The following TMEM135 variants were observed in gnomAD, a reference collection of about 807,000 sequenced individuals.
TMEM135 encodes the protein transmembrane protein 135.
A neutral mutation model predicts 60.3 loss-of-function variants in TMEM135; 30 were observed. That is an observed-to-expected ratio of 0.50 (90% CI 0.37 to 0.68). TMEM135 has a LOEUF of 0.68. Among genes scored for constraint, TMEM135 ranks in the 30% least tolerant of loss-of-function variants. The pLI, the probability that TMEM135 is intolerant of heterozygous loss-of-function variation, is 0.00. For synonymous variants in TMEM135, 190 were observed against 186.7 expected (o/e 1.02, Z -0.14); for missense variants, 468 against 548.8 (o/e 0.85, Z 1.47).
At chr11:87,042,174 G>C (rs1949755502) in intron 1 of TMEM135, among the ~76,000 whole-genome samples, 1 of 152,244 alleles carries the variant, frequency 6.6e-6, no homozygotes, top group Non-Finnish European at 1.5e-5. Flanking sequence ...ACGAAGTATA[G>C]ACAGCTATGT....
intron 3 of TMEM135, among the ~76,000 whole-genome samples, chr11:87,081,333 A>AT (rs371071857): frequency 1.4e-4 from 21 of 146,158 alleles, no homozygotes; most frequent in East Asian, 4.0e-4. Context: ...TTCCACTGTA[A>AT]TTTTTTTTTT....
intron 6 of TMEM135, among the ~76,000 whole-genome samples, chr11:87,275,546 C>T (rs1353031251): frequency 6.6e-6 from 1 of 151,980 alleles, no homozygotes; most frequent in African/African-American, 2.4e-5. Context: ...ATACTGAAAA[C>T]CTAAAATATA....
intron 1 of TMEM135, among the ~76,000 whole-genome samples, chr11:87,060,407 C>G (rs1470356465): frequency 6.6e-6 from 1 of 152,026 alleles, no homozygotes; most frequent in Non-Finnish European, 1.5e-5. Flanking sequence ...TGTAGTTTCC[C>G]TATGTTTTTG....
intron 1 of TMEM135, among the ~76,000 whole-genome samples, chr11:87,063,260 G>C (rs1262387232): frequency 6.6e-6 from 1 of 152,008 alleles, no homozygotes; most frequent in Non-Finnish European, 1.5e-5. Flanking sequence ...TCTAAAACCA[G>C]GTCATGTAAA....
rs891516511 is a variant in TMEM135 at position 87,170,752 on chromosome 11, C to T, written c.462+13346C>T. ...CCTGTGCTGGGAGGTGTCTCCCAGT[C>T]AGAAGGCATGGGGGTCAAGGACTCA... On this transcript the variant is annotated intron_variant, in intron 5 of 14. Transcript: ENST00000305494. 2.0e-5 allele frequency among the ~76,000 whole-genome samples: 3 copies of T among 152,220 alleles called. No individual in the cohort carries two copies. In the East Asian group the frequency reaches 5.8e-4, roughly 30 times the overall value.
intron 5 of TMEM135, among the ~76,000 whole-genome samples, chr11:87,215,714 G>A (rs970644286): frequency 5.3e-5 from 8 of 152,202 alleles, no homozygotes; most frequent in African/African-American, 7.2e-5. Context: ...GGAACAGCAA[G>A]TCAAATGGCA....
intron 5 of TMEM135, among the ~76,000 whole-genome samples, chr11:87,217,592 C>T (rs1290242258): frequency 2.0e-5 from 3 of 152,026 alleles, no homozygotes; most frequent in Non-Finnish European, 2.9e-5. Context: ...TCAAGATCAG[C>T]GTTACCAACA....
At chr11:87,231,242 T>G (rs2135367917) in intron 5 of TMEM135, among the ~76,000 whole-genome samples, 1 of 152,164 alleles carries the variant, frequency 6.6e-6, no homozygotes, top group Admixed American at 6.5e-5. Context: ...ACTCAGCTGA[T>G]TACTGAGTAG....
In TMEM135 at chr11:87,114,306, T is replaced by A. The variant is rs570845586; in HGVS notation, c.396+22911T>A. 6.6e-5 allele frequency among the ~76,000 whole-genome samples: 10 copies of A among 152,152 alleles called. No homozygotes were observed. In the South Asian group the frequency reaches 8.3e-4, roughly 13 times the overall value. Reference sequence around the variant, plus strand: ...ACATCTTGCAAGGCATTCATCCAAGTTTAAATAGGAACTCAGAGGTTTCAA... The same window carrying A: ...ACATCTTGCAAGGCATTCATCCAAGATTAAATAGGAACTCAGAGGTTTCAA... On this transcript the variant is annotated intron_variant, in intron 4 of 14. Transcript: ENST00000305494.
At chr11:87,316,285 T>TGTGAGA (rs1554988336) in intron 12 of TMEM135, among the ~76,000 whole-genome samples, 14 of 149,250 alleles carry the variant, frequency 9.4e-5, no homozygotes, top group African/African-American at 3.4e-4. Context: ...TGTGTGTGTG[T>TGTGAGA]GAGAGAGAGA....
rs143806517 is a variant in TMEM135, at chr11:87,267,877, A to G, written c.510-27905A>G. 2.4e-4 allele frequency among the ~76,000 whole-genome samples: 37 copies of G among 152,172 alleles called. No individual in the cohort carries two copies. In the East Asian group the frequency reaches 7.0e-3, roughly 29 times the overall value. ...TGGAGAATTTTTGTATTTTTAGTAG[A>G]GACGGGGTTTCACCATGTTGACCAG... On this transcript the variant is annotated intron_variant, in intron 6 of 14. Transcript: ENST00000305494.
At chr11:87,189,546 C>G (rs1939746910) in intron 5 of TMEM135, among the ~76,000 whole-genome samples, 1 of 152,018 alleles carries the variant, frequency 6.6e-6, no homozygotes, top group Non-Finnish European at 1.5e-5. Flanking sequence ...TGGGTGGCAT[C>G]CCACTGATTA....
At chr11:87,082,138 T>C (rs1164226905) in intron 3 of TMEM135, among the ~76,000 whole-genome samples, 2 of 152,222 alleles carry the variant, frequency 1.3e-5, no homozygotes, top group Non-Finnish European at 2.9e-5. Context: ...TTAGTGACTT[T>C]AAGAAAAAAA....
chr11:87,202,922 A>G (rs1339166340), intron 5 of TMEM135, among the ~76,000 whole-genome samples: 1 of 149,580 alleles, frequency 6.7e-6, no homozygotes, highest in Non-Finnish European at 1.5e-5. Context: ...AGTCCCAGCT[A>G]CTCGGGAGGC....
Position 87,059,457 on chromosome 11 carries a change from A to G in TMEM135, c.142-8237A>G, listed in dbSNP as rs1565424259. Reference sequence around the variant, plus strand: ...CAGCCTCACAAGTAGCTGGGATTACAGGCGTGTGCTACCACGCCTGGCTAA... The same window carrying G: ...CAGCCTCACAAGTAGCTGGGATTACGGGCGTGTGCTACCACGCCTGGCTAA... On this transcript the variant is annotated intron_variant, in intron 1 of 14. Coordinates refer to ENST00000305494, the MANE Select transcript of TMEM135 (RefSeq NM_022918.4). Among the ~76,000 whole-genome samples, 5 of 152,152 alleles carry G rather than the reference A, an allele frequency of 3.3e-5. No individual in the cohort carries two copies. In the East Asian group the frequency reaches 5.8e-4, roughly 18 times the overall value.
chr11:87,273,849 C>T (rs1235486044), intron 6 of TMEM135, among the ~76,000 whole-genome samples: 1 of 152,128 alleles, frequency 6.6e-6, no homozygotes, highest in African/African-American at 2.4e-5. Flanking sequence ...ATAACATTCT[C>T]CTAGGCTATT....
At chr11:87,069,251 T>C (rs3100849) in intron 2 of TMEM135, among the ~76,000 whole-genome samples, 65,911 of 140,012 alleles carry the variant, frequency 0.47, 15,952 homozygotes, top group East Asian at 0.66. Flanking sequence ...GCACCATGCA[T>C]TCCAGCCTGG....
intron 5 of TMEM135, among the ~76,000 whole-genome samples, chr11:87,198,430 G>T (rs1591096946): frequency 6.6e-6 from 1 of 152,086 alleles, no homozygotes. Flanking sequence ...CAACAAAAAA[G>T]TTAATAAGGG....
Position 87,309,450 on chromosome 11 carries a change from A to G in TMEM135, c.769-55A>G, listed in dbSNP as rs1942604220. ...TTTGAGATGGTAAAATTCGTATTCT[A>G]TCAAAAACTTCAAAATTTGTTTGTA... On this transcript the variant is annotated intron_variant, in intron 9 of 14. Transcript: ENST00000305494. The G allele has an allele frequency of 1.9e-6, 3 of 1,593,684 alleles. No homozygotes were observed. In the South Asian group the frequency reaches 3.3e-5, roughly 18 times the overall value.
Sources: allele counts gnomAD v4.1 joint callset (sites outside exome capture counted in the v4.1 genomes callset), GRCh38; gene constraint gnomAD v4.1.1; transcripts MANE v1.5; gene names NCBI Gene and HGNC (gene_info 2026-07-23, HGNC 2026-07-21).